IFI27L1: variants seen among roughly 807,000 people sequenced by gnomAD.
IFI27L1 encodes the protein interferon alpha-inducible protein 27-like protein 1.
IFI27L1 carries 3 observed loss-of-function variants against 9.2 expected under a neutral mutation model. That is an observed-to-expected ratio of 0.32 (90% CI 0.15 to 0.84). The LOEUF is 0.84. Ranked by LOEUF, IFI27L1 falls within the 40% of genes least tolerant of loss-of-function variation. The probability of loss-of-function intolerance (pLI) is 0.56; values close to 1 mark genes in which losing one functional copy is unlikely to be tolerated. For missense variants in IFI27L1, 133 were observed against 134.2 expected, an observed-to-expected ratio of 0.99 and a Z score of 0.05; for synonymous variants, 53 against 50.0, an observed-to-expected ratio of 1.06 and a Z score of -0.26.
intron 1 of IFI27L1, chr14:94,088,186 A>C (rs890442591): frequency 1.1e-5 from 8 of 697,408 alleles, no homozygotes; most frequent in Middle Eastern, 2.4e-4. Flanking sequence ...GAAGGGACAC[A>C]GGGGCTGTGC....
At chr14:94,093,167 C>CTT (rs66928480) in intron 1 of IFI27L1, among the ~76,000 whole-genome samples, 2,093 of 125,420 alleles carry the variant, frequency 0.017, 81 homozygotes, top group African/African-American at 0.048. Flanking sequence ...CATTTCTTTT[C>CTT]TTTTTTTTTT....
intron 1 of IFI27L1, among the ~76,000 whole-genome samples, chr14:94,088,680 C>T (rs1208805479): frequency 1.3e-5 from 2 of 152,158 alleles, no homozygotes; most frequent in African/African-American, 4.8e-5. Context: ...TGCAGCTGAA[C>T]TCTGACTAAT....
At chr14:94,082,320 GT>G (rs1022217275) in intron 1 of IFI27L1, among the ~76,000 whole-genome samples, 4 of 151,714 alleles carry the variant, frequency 2.6e-5, no homozygotes, top group Admixed American at 6.6e-5. Flanking sequence ...ATTTCATGAG[GT>G]TTAAGGAAAG....
intron 1 of IFI27L1, among the ~76,000 whole-genome samples, chr14:94,087,210 GGGTGACACC>G (rs1316329157): frequency 6.6e-6 from 1 of 152,110 alleles, no homozygotes; most frequent in Non-Finnish European, 1.5e-5. Flanking sequence ...TTAACAGCAA[GGGTGACACC>G]AGTCTGAGGT....
chr14:94,096,249 G>C (rs142961801), intron 1 of IFI27L1, among the ~76,000 whole-genome samples: 3 of 152,186 alleles, frequency 2.0e-5, no homozygotes, highest in South Asian at 4.1e-4. Flanking sequence ...TAGGCAGATG[G>C]ATGGGTAAAC....
chr14:94,101,842 G>A lies in IFI27L1; in HGVS notation c.90G>A (p.Ala30=), dbSNP rs369883184. 105 of 1,614,116 alleles carry A rather than the reference G, an allele frequency of 6.5e-5. No individual in the cohort carries two copies. Among genetic ancestry groups the A allele is most frequent in the African/African-American group, 1.6e-4 (12 of 74,946 alleles). The change falls in exon 4 of 5, where the codon GCG becomes GCA. Residue 30 remains alanine, a synonymous_variant. Transcript: ENST00000555523. ...TGGCTGTGGGGACTGTGCTCGTGGC[G>A]CTCAGTGCCATGGGCTTCACCTCAG... is the stretch of plus-strand genomic sequence containing the variant. The part of the protein sequence containing the change: ...GVVAVGTVLV[A]LSAMGFTSVG...
At chr14:94,100,707 T>TTTG (rs547225458) in intron 2 of IFI27L1, 32 bp from the exon 3 acceptor site, 19,402 of 1,594,522 alleles carry the variant, frequency 0.012, 139 homozygotes, top group Non-Finnish European at 0.015. Context: ...TGTTTGTTTG[T>TTTG]TTGTTGTTGT....
At chr14:94,099,673 G>T (rs7493840) in intron 2 of IFI27L1, among the ~76,000 whole-genome samples, 77,304 of 151,912 alleles carry the variant, frequency 0.51, 21,449 homozygotes, top group African/African-American at 0.74. Flanking sequence ...CCAGGTTGGG[G>T]TCCTTGGTTA....
chr14:94,091,248 A>G (rs1886463011), intron 1 of IFI27L1, among the ~76,000 whole-genome samples: 1 of 152,262 alleles, frequency 6.6e-6, no homozygotes, highest in South Asian at 2.1e-4. Context: ...TTGCCTGTGG[A>G]TGACAAAAAG....
intron 3 of IFI27L1, chr14:94,101,022 G>A (rs769996315): frequency 3.7e-5 from 22 of 599,242 alleles, no homozygotes; most frequent in South Asian, 1.0e-4. Context: ...ATGCAACCCC[G>A]GATGAGTCAT....
At chr14:94,094,217 G>A (rs35749529) in intron 1 of IFI27L1, among the ~76,000 whole-genome samples, 2 of 152,124 alleles carry the variant, frequency 1.3e-5, no homozygotes, top group Admixed American at 1.3e-4. Flanking sequence ...GGCACTACGA[G>A]GTATTAACTG....
intron 1 of IFI27L1, chr14:94,088,171 A>G (rs954692378): frequency 1.0e-5 from 7 of 688,572 alleles, no homozygotes; most frequent in African/African-American, 3.5e-5. Flanking sequence ...AAGGATGTGA[A>G]GGTGGAAGGG....
At chr14:94,085,042 T>A (rs555636378) in intron 1 of IFI27L1, among the ~76,000 whole-genome samples, 1 of 152,256 alleles carries the variant, frequency 6.6e-6, no homozygotes, top group Non-Finnish European at 1.5e-5. Flanking sequence ...ATAAGGAATG[T>A]GTCCCAGTTT....
At chr14:94,090,986 T>A (rs775133698) in intron 1 of IFI27L1, among the ~76,000 whole-genome samples, 7 of 152,180 alleles carry the variant, frequency 4.6e-5, no homozygotes, top group Non-Finnish European at 1.0e-4. Context: ...AAAATAAAAA[T>A]TTTTTTGGCT....
At chr14:94,094,092 G>A (rs954940658) in intron 1 of IFI27L1, among the ~76,000 whole-genome samples, 3 of 152,122 alleles carry the variant, frequency 2.0e-5, no homozygotes, top group African/African-American at 7.2e-5. Flanking sequence ...GTCCTGCAAC[G>A]ATGCTTGACC....
rs570595239 is a variant in IFI27L1 at position 94,100,963 on chromosome 14, G to A, written c.61+192G>A. On this transcript the variant is annotated intron_variant, in intron 3 of 4. Transcript: ENST00000555523. ...AAAGCCATTAAAGGCACAGGGCTTT[G>A]GAGGCAGCCAGAGCTGGGGCTACTC... The A allele has an allele frequency of 1.4e-5, 9 of 654,710 alleles. No homozygotes were observed. The East Asian group carries it at 2.2e-4, about 16-fold the overall frequency. 40.6% of individuals were successfully genotyped at this position (654,710 alleles called of 1,614,324 possible).
chr14:94,097,712 G>A (rs2402408), intron 2 of IFI27L1: 314,220 of 701,096 alleles, frequency 0.45, 73,820 homozygotes, highest in African/African-American at 0.68. Flanking sequence ...TTGCTGTGAA[G>A]GAGAGAAACC....
At chr14:94,099,979 T>G (rs1275671830) in intron 2 of IFI27L1, among the ~76,000 whole-genome samples, 1 of 152,212 alleles carries the variant, frequency 6.6e-6, no homozygotes, top group Admixed American at 6.5e-5. Flanking sequence ...AAGTTTTATT[T>G]CATTTTTAAT....
intron 1 of IFI27L1, among the ~76,000 whole-genome samples, chr14:94,091,812 T>C (rs2139267020): frequency 2.0e-5 from 3 of 152,052 alleles, no homozygotes; most frequent in Middle Eastern, 3.4e-3. Context: ...CAAACAAAAA[T>C]CTTTTTTTTT....
Sources: allele counts gnomAD v4.1 joint callset (sites outside exome capture counted in the v4.1 genomes callset), GRCh38; gene constraint gnomAD v4.1.1; transcripts MANE v1.5; gene names NCBI Gene and HGNC (gene_info 2026-07-23, HGNC 2026-07-21).